Variants in ZNF765 observed in about 807,000 individuals in gnomAD.
ZNF765 encodes the protein zinc finger protein 765.
In ZNF765, 37 loss-of-function variants were observed where a neutral mutation model predicts 44.7. The ratio of observed to expected loss-of-function variants is 0.83; its 90% CI spans 0.64 to 1.09. The LOEUF is 1.09. Ranked by LOEUF, ZNF765 falls within the 50% of genes least tolerant of loss-of-function variation. ZNF765 has a pLI of 0.00. For synonymous variants in ZNF765, 201 were observed against 213.7 expected, an observed-to-expected ratio of 0.94 and a Z score of 0.52; for missense variants, 594 against 626.1, an observed-to-expected ratio of 0.95 and a Z score of 0.55.
At chr19:53,406,978 A>G (rs2085781416) in intron 3 of ZNF765, among the ~76,000 whole-genome samples, 1 of 152,148 alleles carries the variant, frequency 6.6e-6, no homozygotes, top group South Asian at 2.1e-4. Flanking sequence ...GCAAGGATAT[A>G]GGTAATTTTA....
downstream of ZNF765, among the ~76,000 whole-genome samples, chr19:53,414,793 C>T (rs1204778425): frequency 2.7e-5 from 4 of 149,426 alleles, no homozygotes; most frequent in East Asian, 4.0e-4. Context: ...CACAGGTCAC[C>T]ACAGGTGCTC....
downstream of ZNF765, among the ~76,000 whole-genome samples, chr19:53,413,751 G>A (rs2085851150): frequency 6.6e-6 from 1 of 150,874 alleles, no homozygotes; most frequent in Non-Finnish European, 1.5e-5. Context: ...ACAGACCCTT[G>A]GACTTTACTA....
At chr19:53,415,580 A>ATT (rs10666018), downstream of ZNF765, among the ~76,000 whole-genome samples, 114,790 of 151,820 alleles carry the variant, frequency 0.76, 44,376 homozygotes, top group Admixed American at 0.84. Flanking sequence ...TTAACTTTCT[A>ATT]ATGAATTACC....
rs199898066 is a variant in ZNF765 at position 53,400,424 on chromosome 19, A to G, written c.16-1641A>G. Among the ~76,000 whole-genome samples, 186 of 152,146 alleles carry G rather than the reference A, an allele frequency of 1.2e-3. 2 individuals are homozygous for G. Among genetic ancestry groups the G allele is most frequent in the East Asian group, 2.5e-3 (13 of 5,158 alleles). ...ACGATTCCTCCAGGTCAGGCAGTTGAAAGGGTGATTACTTCCTCTAGGATG... is the reference window on the plus strand; with the variant it reads ...ACGATTCCTCCAGGTCAGGCAGTTGGAAGGGTGATTACTTCCTCTAGGATG... On this transcript the variant is annotated intron_variant, in intron 2 of 3. Transcript: ENST00000396408.
intron 3 of ZNF765, among the ~76,000 whole-genome samples, chr19:53,403,042 G>A (rs1428032144): frequency 6.6e-6 from 1 of 151,974 alleles, no homozygotes; most frequent in East Asian, 1.9e-4. Flanking sequence ...AGGTGTGGTG[G>A]CACGTGCCTG....
Position 53,410,053 on chromosome 19 carries a change from C to A in ZNF765, c.*926C>A. Reference sequence around the variant, plus strand: ...AAAATTTTTCAGACATCCTTCATACCTTTGCAGTTCATGGGTGAAGTCGTA... The same window carrying A: ...AAAATTTTTCAGACATCCTTCATACATTTGCAGTTCATGGGTGAAGTCGTA... On this transcript the variant is annotated 3_prime_UTR_variant, in exon 4 of 4. Transcript: ENST00000396408. 2.1e-6 allele frequency: 1 copy of A among 468,234 alleles called. No individual in the cohort carries two copies. The allele number at this position is 468,234 out of a possible 1,614,324, so 29.0% of individuals were successfully genotyped here.
chr19:53,423,020 C>G, intron 3 of ZNF765: 1 of 689,758 alleles, frequency 1.4e-6, no homozygotes, highest in East Asian at 2.7e-5. Flanking sequence ...TTAGGCATTT[C>G]CGGAGTGATT....
At position 53,407,761 on chromosome 19, in the gene ZNF765, T is replaced by TC. The variant is rs1243984667; in HGVS notation, c.208dup (p.His70ProfsTer9). On this transcript the variant is annotated frameshift_variant, in exon 4 of 4. Coordinates refer to ENST00000396408, the MANE Select transcript of ZNF765 (RefSeq NM_001040185.3). LOFTEE classifies it high-confidence loss of function. ...ACAGCACAAGGCAATAGAGAAGTGT[T>TC]CCATGCAGGGACATCTCAAAGACAT... 3 of 1,603,638 alleles carry TC rather than the reference T, an allele frequency of 1.9e-6. No individual in the cohort carries two copies. The highest frequency in any genetic ancestry group is 2.6e-6 in the Non-Finnish European group (3 of 1,175,596).
Position 53,409,182 on chromosome 19 carries a change from T to A in ZNF765, c.*55T>A. ...TAACCCTTACATGCCATCGTAGGCT[T>A]CATAGTGGAGAGAAACCTTACAAAT... On this transcript the variant is annotated 3_prime_UTR_variant, in exon 4 of 4. Coordinates refer to ENST00000396408, the MANE Select transcript of ZNF765 (RefSeq NM_001040185.3). The A allele has an allele frequency of 6.9e-7, 1 of 1,456,148 alleles. No homozygotes were observed. Among genetic ancestry groups the A allele is most frequent in the Non-Finnish European group, 9.6e-7 (1 of 1,038,520 alleles). 90.2% of individuals were successfully genotyped at this position (1,456,148 alleles called of 1,614,324 possible). A position where few individuals can be genotyped will look rare whatever the true frequency, so the allele number is the denominator to read the frequency against.
chr19:53,395,232 C>T (rs1333812626), intron 1 of ZNF765, 39 bp downstream of exon 1: 1 of 152,284 alleles, frequency 6.6e-6, no homozygotes, highest in African/African-American at 2.4e-5. Flanking sequence ...CTGTGCTTCC[C>T]AGGTCCCTGG....
At chr19:53,403,608 C>T (rs561196111) in intron 3 of ZNF765, among the ~76,000 whole-genome samples, 2 of 152,320 alleles carry the variant, frequency 1.3e-5, no homozygotes, top group African/African-American at 4.8e-5. Context: ...CTTCGGGAGG[C>T]CGAGGCAGGC....
chr19:53,398,806 G>A (rs1205700865), intron 2 of ZNF765, among the ~76,000 whole-genome samples: 1 of 152,120 alleles, frequency 6.6e-6, no homozygotes, highest in African/African-American at 2.4e-5. Flanking sequence ...CTGAAGTGCA[G>A]TGGCATGATC....
chr19:53,413,525 TG>T (rs1183759800), downstream of ZNF765, among the ~76,000 whole-genome samples: 1 of 151,850 alleles, frequency 6.6e-6, no homozygotes, highest in African/African-American at 2.4e-5. Context: ...AATAAATATG[TG>T]AGGCTTTTCA....
At chr19:53,406,323 C>T (rs2085776163) in intron 3 of ZNF765, among the ~76,000 whole-genome samples, 1 of 151,936 alleles carries the variant, frequency 6.6e-6, no homozygotes, top group Non-Finnish European at 1.5e-5. Flanking sequence ...GCCACCGTGT[C>T]CAGCCGTTAG....
At chr19:53,395,782 C>T (rs1197783964) in intron 1 of ZNF765, among the ~76,000 whole-genome samples, 1 of 152,194 alleles carries the variant, frequency 6.6e-6, no homozygotes, top group African/African-American at 2.4e-5. Context: ...CCAGCTCCAG[C>T]CCCTGGAAAA....
downstream of ZNF765, among the ~76,000 whole-genome samples, chr19:53,413,930 CA>C (rs386389261): frequency 1.1e-3 from 85 of 79,800 alleles, 1 homozygote; most frequent in Admixed American, 4.6e-3. Flanking sequence ...GCTAGAAAGA[CA>C]AAAAAAAAAA....
chr19:53,399,322 A>C (rs2085700074), intron 2 of ZNF765, among the ~76,000 whole-genome samples: 1 of 146,772 alleles, frequency 6.8e-6, no homozygotes. Flanking sequence ...GTAAAACTCC[A>C]AGCAAAGCTG....
At chr19:53,414,621 G>A (rs570175243), downstream of ZNF765, among the ~76,000 whole-genome samples, 6 of 151,004 alleles carry the variant, frequency 4.0e-5, no homozygotes, top group Admixed American at 6.7e-5. Context: ...GGCCTTCTAC[G>A]GGATGACAGG....
At chr19:53,412,721 A>G (rs887318565), downstream of ZNF765, among the ~76,000 whole-genome samples, 2 of 152,118 alleles carry the variant, frequency 1.3e-5, no homozygotes, top group Non-Finnish European at 2.9e-5. Context: ...GGGTTTCACC[A>G]TATTGGCCAG....
Sources: gnomAD v4.1 joint callset for allele counts (sites outside exome capture counted in the v4.1 genomes callset) on GRCh38, gnomAD v4.1.1 for gene constraint, MANE v1.5 for transcripts, NCBI Gene and HGNC (gene_info 2026-07-23, HGNC 2026-07-21) for gene names.